Variants in PSMA1 observed in about 807,000 individuals in gnomAD.
PSMA1 encodes proteasome subunit alpha type-1.
A neutral mutation model predicts 38.4 loss-of-function variants in PSMA1; 3 were observed. The observed-to-expected ratio is 0.08, with a 90% CI of 0.04 to 0.20. PSMA1 has a LOEUF of 0.20. Among genes scored for constraint, PSMA1 ranks in the 10% least tolerant of loss-of-function variants. The pLI, the probability that PSMA1 is intolerant of heterozygous loss-of-function variation, is 1.00. For synonymous variants in PSMA1, 101 were observed against 107.1 expected, an observed-to-expected ratio of 0.94 and a Z score of 0.35; for missense variants, 227 against 325.3, an observed-to-expected ratio of 0.70 and a Z score of 2.32.
upstream of PSMA1, among the ~76,000 whole-genome samples, chr11:14,522,854 T>C (rs1173927451): frequency 6.6e-6 from 1 of 152,198 alleles, no homozygotes; most frequent in Non-Finnish European, 1.5e-5. Flanking sequence ...GAAGCACACA[T>C]TGTAAATATG....
intron 1 of PSMA1, among the ~76,000 whole-genome samples, chr11:14,623,016 G>C (rs1011107061): frequency 1.3e-5 from 2 of 152,152 alleles, no homozygotes; most frequent in East Asian, 3.8e-4. Context: ...AGTGACCATG[G>C]GTCTAGAACT....
intron 2 of PSMA1, among the ~76,000 whole-genome samples, chr11:14,606,187 T>C (rs1458559792): frequency 2.4e-4 from 37 of 152,230 alleles, no homozygotes; most frequent in Admixed American, 2.2e-3. Context: ...TAGATGGCTA[T>C]AAGCGTGCAG....
intron 9 of PSMA1, among the ~76,000 whole-genome samples, chr11:14,506,140 C>A (rs1441288306): frequency 6.6e-6 from 1 of 152,164 alleles, no homozygotes; most frequent in East Asian, 1.9e-4. Context: ...GGATTTTCAA[C>A]CATGCTGGGG....
At chr11:14,594,361 G>A (rs1426030292) in intron 2 of PSMA1, among the ~76,000 whole-genome samples, 1 of 152,116 alleles carries the variant, frequency 6.6e-6, no homozygotes, top group East Asian at 1.9e-4. Flanking sequence ...CAAATAGAGA[G>A]ATCTACATCT....
intron 2 of PSMA1, among the ~76,000 whole-genome samples, chr11:14,559,070 T>C (rs553949332): frequency 1.4e-3 from 206 of 152,248 alleles, no homozygotes; most frequent in African/African-American, 4.6e-3. Flanking sequence ...TTAATAACCT[T>C]AAATAAGCAT....
chr11:14,624,627 C>T (rs910299378), intron 1 of PSMA1, among the ~76,000 whole-genome samples: 2 of 152,180 alleles, frequency 1.3e-5, no homozygotes, highest in Non-Finnish European at 2.9e-5. Context: ...AGTTTGGACA[C>T]CTCATGTCCA....
At chr11:14,636,816 C>T (rs1853117927) in intron 1 of PSMA1, among the ~76,000 whole-genome samples, 1 of 152,226 alleles carries the variant, frequency 6.6e-6, no homozygotes, top group African/African-American at 2.4e-5. Flanking sequence ...TTCTATGGAA[C>T]TGATCAGAAA....
At chr11:14,599,016 T>A (rs1333139460) in intron 2 of PSMA1, among the ~76,000 whole-genome samples, 1 of 152,180 alleles carries the variant, frequency 6.6e-6, no homozygotes, top group Non-Finnish European at 1.5e-5. Flanking sequence ...TGGCTGGATA[T>A]GAAATTCTGG....
intron 2 of PSMA1, among the ~76,000 whole-genome samples, chr11:14,596,569 G>A (rs543636497): frequency 6.6e-6 from 1 of 150,664 alleles, no homozygotes; most frequent in Non-Finnish European, 1.5e-5. Context: ...GTATAGGAAT[G>A]CTTGTGATGT....
In PSMA1 at chr11:14,609,495, GA is replaced by G. The variant is rs755814596; in HGVS notation, c.21+1470del. On this transcript the variant is annotated intron_variant, in intron 2 of 10. Transcript: ENST00000418988. ...TAACATATTAGTGACATGATAAGGA[GA>G]AAAAAATAAAAGAATGGAGTTATGA... 5.9e-5 allele frequency among the ~76,000 whole-genome samples: 9 copies of G among 152,060 alleles called. No homozygotes were observed. The East Asian group carries it at 1.7e-3, about 29-fold the overall frequency.
chr11:14,573,131 C>T (rs1188908628), intron 2 of PSMA1, among the ~76,000 whole-genome samples: 4 of 152,078 alleles, frequency 2.6e-5, no homozygotes, highest in Non-Finnish European at 5.9e-5. Flanking sequence ...TTCCAATCAA[C>T]AGAAAAAGAG....
At chr11:14,540,631 C>T (rs907984880) in intron 2 of PSMA1, among the ~76,000 whole-genome samples, 6 of 151,980 alleles carry the variant, frequency 3.9e-5, no homozygotes, top group African/African-American at 9.7e-5. Context: ...AAATTGTGAA[C>T]GTAAAAAAGG....
intron 2 of PSMA1, among the ~76,000 whole-genome samples, chr11:14,594,497 T>A (rs949313345): frequency 1.3e-5 from 2 of 152,220 alleles, no homozygotes; most frequent in African/African-American, 4.8e-5. Context: ...CATTTCGTAC[T>A]CCTTTAACCC....
At chr11:14,508,893 T>C (rs1851294532) in intron 8 of PSMA1, among the ~76,000 whole-genome samples, 1 of 146,324 alleles carries the variant, frequency 6.8e-6, no homozygotes, top group African/African-American at 2.5e-5. Context: ...CTCCTACTTC[T>C]TTGACCACCT....
chr11:14,581,190 A>G (rs1589998682), intron 2 of PSMA1, among the ~76,000 whole-genome samples: 2 of 152,314 alleles, frequency 1.3e-5, no homozygotes, highest in African/African-American at 4.8e-5. Context: ...TTCTCAGCCA[A>G]TTCTGACGAA....
At chr11:14,617,006 C>G (rs1392941958) in intron 1 of PSMA1, among the ~76,000 whole-genome samples, 2 of 152,192 alleles carry the variant, frequency 1.3e-5, no homozygotes, top group Non-Finnish European at 2.9e-5. Flanking sequence ...CTGGACTTCT[C>G]TAGGCTTCCT....
intron 9 of PSMA1, 52 bp from the exon 10 acceptor site, chr11:14,505,300 A>T: frequency 7.3e-7 from 1 of 1,360,564 alleles, no homozygotes; most frequent in Non-Finnish European, 1.1e-6. Context: ...CTTGATCAAT[A>T]TACACATCTA....
chr11:14,639,378 C>G (rs1333386935), intron 1 of PSMA1, among the ~76,000 whole-genome samples: 1 of 152,112 alleles, frequency 6.6e-6, no homozygotes, highest in Non-Finnish European at 1.5e-5. Flanking sequence ...TATTAAAATT[C>G]ATTGACTAAT....
intron 1 of PSMA1, among the ~76,000 whole-genome samples, chr11:14,616,453 G>A (rs1262142068): frequency 1.3e-5 from 2 of 151,786 alleles, no homozygotes; most frequent in East Asian, 1.9e-4. Flanking sequence ...GGCTGGTCTC[G>A]AACTCCTGAC....
Sources: allele counts gnomAD v4.1 joint callset (sites outside exome capture counted in the v4.1 genomes callset), GRCh38; gene constraint gnomAD v4.1.1; transcripts MANE v1.5; gene names NCBI Gene and HGNC (gene_info 2026-07-23, HGNC 2026-07-21).